RPS6KA1: variants seen among roughly 807,000 people sequenced by gnomAD.
The protein encoded by RPS6KA1 is ribosomal protein S6 kinase A1.
RPS6KA1 carries 48 observed loss-of-function variants against 91.3 expected under a neutral mutation model. The ratio of observed to expected loss-of-function variants is 0.53; its 90% CI spans 0.42 to 0.67. The LOEUF is 0.67. Among genes scored for constraint, RPS6KA1 ranks in the 30% least tolerant of loss-of-function variants. The pLI, the probability that RPS6KA1 is intolerant of heterozygous loss-of-function variation, is 0.00. For synonymous variants in RPS6KA1, 359 were observed against 384.7 expected, an observed-to-expected ratio of 0.93 and a Z score of 0.78; for missense variants, 719 against 960.5, an observed-to-expected ratio of 0.75 and a Z score of 3.32.
Position 26,571,204 on chromosome 1 carries a change from T to G in RPS6KA1, c.1591-245T>G. On this transcript the variant is annotated intron_variant, in intron 17 of 21. Coordinates refer to ENST00000374168, the MANE Select transcript of RPS6KA1 (RefSeq NM_002953.4). The surrounding 1 kb of genome is among the most constrained non-coding windows in gnomAD (Gnocchi z 5.1). ...AAGGTAAGATTATGTGATGAGTAGG[T>G]TTTAGGGGAGAATTGAGAGTTCAGT... 1 of 502,414 alleles carries G rather than the reference T, an allele frequency of 2.0e-6. No individual in the cohort carries two copies. Among genetic ancestry groups the G allele is most frequent in the Non-Finnish European group, 3.6e-6 (1 of 280,834 alleles). The allele number at this position is 502,414 out of a possible 1,614,324, so 31.1% of individuals were successfully genotyped here.
chr1:26,556,598 G>A, intron 11 of RPS6KA1, 56 bp from the exon 12 acceptor site: 3 of 1,584,026 alleles, frequency 1.9e-6, no homozygotes, highest in Non-Finnish European at 2.6e-6. Context: ...GGTGGGCAGG[G>A]TAATATCTGG....
intron 20 of RPS6KA1, among the ~76,000 whole-genome samples, 200 bp from the exon 21 acceptor site, chr1:26,573,024 A>C (rs988435737): frequency 1.3e-5 from 2 of 152,192 alleles, no homozygotes; most frequent in African/African-American, 4.8e-5. Flanking sequence ...TCCAGGACGA[A>C]GGGCCTAGAG....
At chr1:26,573,511 A>T in intron 21 of RPS6KA1, 150 bp downstream of exon 21, 3 of 913,926 alleles carry the variant, frequency 3.3e-6, no homozygotes, top group Non-Finnish European at 5.0e-6. Context: ...GCCGTCAGGG[A>T]GCCTAACATG....
At position 26,547,567 on chromosome 1, in the gene RPS6KA1, G is replaced by A. The variant is rs184443942; in HGVS notation, c.307+297G>A. On this transcript the variant is annotated intron_variant, in intron 4 of 21. Coordinates refer to ENST00000374168, the MANE Select transcript of RPS6KA1 (RefSeq NM_002953.4). The surrounding 1 kb of genome is among the most constrained non-coding windows in gnomAD (Gnocchi z 4.1). ...CTGGTCAAGCAGAGGCATTCTGACT[G>A]TTGATGCTAGAAGAGTCTGGGGGAG... 6 of 362,898 alleles carry A rather than the reference G, an allele frequency of 1.7e-5. No individual in the cohort carries two copies. Among genetic ancestry groups the A allele is most frequent in the Non-Finnish European group, 2.7e-5 (5 of 187,340 alleles). The allele number at this position is 362,898 out of a possible 1,614,324, so 22.5% of individuals were successfully genotyped here.
At chr1:26,541,919 C>A (rs980623552) in intron 2 of RPS6KA1, among the ~76,000 whole-genome samples, 14 of 152,188 alleles carry the variant, frequency 9.2e-5, no homozygotes, top group African/African-American at 3.1e-4. Context: ...TCCAGCTGCC[C>A]TGTAGGAGGA....
At chr1:26,542,112 C>T (rs1401289065) in intron 2 of RPS6KA1, among the ~76,000 whole-genome samples, 3 of 152,290 alleles carry the variant, frequency 2.0e-5, no homozygotes, top group African/African-American at 2.4e-5. Flanking sequence ...CACAGAGGCT[C>T]GTGTGGACTA....
At position 26,557,091 on chromosome 1, in the gene RPS6KA1, A is replaced by G. The variant is rs372835609; in HGVS notation, c.1075A>G (p.Thr359Ala). ...FYFDTEFTSR[T>A]PKDSPGIPPS... ...CTTTGACACCGAGTTCACGTCCCGCACACCCAAGGGTGCGTCCCTTATCTG... is the reference window on the plus strand; with the variant it reads ...CTTTGACACCGAGTTCACGTCCCGCGCACCCAAGGGTGCGTCCCTTATCTG... The change falls in exon 13 of 22, where the codon ACA (threonine) becomes GCA (alanine). Residue 359 changes from threonine to alanine, a missense_variant. Thr to Ala is a moderately conservative substitution (Grantham distance 58). Around this residue, in one of 5 missense-constraint regions of RPS6KA1, gnomAD observed 228 missense variants for 247.6 expected, o/e 0.92. Coordinates refer to ENST00000374168, the MANE Select transcript of RPS6KA1 (RefSeq NM_002953.4). The G allele has an allele frequency of 6.2e-6, 10 of 1,613,362 alleles. No individual in the cohort carries two copies. The African/African-American group carries it at 6.7e-5, about 11-fold the overall frequency.
In RPS6KA1 at chr1:26,554,151, T is replaced by G. The variant is rs2076077664; in HGVS notation, c.576-63T>G. ...GCTGAACCCAACTCCCACAGCCCTG[T>G]GGTAACACCATCACCCACACGGCCA... On this transcript the variant is annotated intron_variant, in intron 7 of 21. Transcript: ENST00000374168. This position sits in a 1 kb window ranked among gnomAD's most constrained non-coding sequence, Gnocchi z 4.6. 1 of 1,523,728 alleles carries G rather than the reference T, an allele frequency of 6.6e-7. No individual in the cohort carries two copies. Among genetic ancestry groups the G allele is most frequent in the African/African-American group, 1.4e-5 (1 of 72,674 alleles). The allele number at this position is 1,523,728 out of a possible 1,614,324, so 94.4% of individuals were successfully genotyped here. A position where few individuals can be genotyped will look rare whatever the true frequency, so the allele number is the denominator to read the frequency against.
chr1:26,558,697 G>A lies in RPS6KA1; in HGVS notation c.1085-110G>A, dbSNP rs749854326. On this transcript the variant is annotated intron_variant, in intron 13 of 21. Transcript: ENST00000374168. The surrounding 1 kb of genome is among the most constrained non-coding windows in gnomAD (Gnocchi z 4.0). ...CAGGCCCTCTGCAGGCTCCCGCCAC[G>A]GCCAGCCCCTGAGGCAGGTCTGGAG... 182 of 1,334,908 alleles carry A rather than the reference G, an allele frequency of 1.4e-4. 4 individuals carry two copies. Among genetic ancestry groups the A allele is most frequent in the South Asian group, 9.3e-4 (66 of 71,348 alleles). The allele number at this position is 1,334,908 out of a possible 1,614,324, so 82.7% of individuals were successfully genotyped here.
At position 26,574,579 on chromosome 1, in the gene RPS6KA1, T is replaced by C; in HGVS notation, c.*378T>C. On this transcript the variant is annotated 3_prime_UTR_variant, in exon 22 of 22. Coordinates refer to ENST00000374168, the MANE Select transcript of RPS6KA1 (RefSeq NM_002953.4). This position sits in a 1 kb window ranked among gnomAD's most constrained non-coding sequence, Gnocchi z 4.3. The stretch of plus-strand genomic sequence containing the variant: ...GAGACTCTTTAGAGCAGCTTTGGGA[T>C]CCCACCCTGGGGACCCCCACGATTG... The C allele has an allele frequency of 4.9e-6, 2 of 409,496 alleles. No individual in the cohort carries two copies. The highest frequency in any genetic ancestry group is 4.9e-6 in the Non-Finnish European group (1 of 205,998). The allele number at this position is 409,496 out of a possible 1,614,324, so 25.4% of individuals were successfully genotyped here. A position where few individuals can be genotyped will look rare whatever the true frequency, so the allele number is the denominator to read the frequency against.
chr1:26,551,373 T>C lies in RPS6KA1; in HGVS notation c.308-24T>C. The C allele has an allele frequency of 6.2e-7, 1 of 1,610,088 alleles. No individual in the cohort carries two copies. Among genetic ancestry groups the C allele is most frequent in the Non-Finnish European group, 8.5e-7 (1 of 1,176,458 alleles). ...CTGTGTTGAGTGTCTAGGCTACTGGTGACTTCCTTTCTCGTCTGGCCAGTA... is the reference window on the plus strand; with the variant it reads ...CTGTGTTGAGTGTCTAGGCTACTGGCGACTTCCTTTCTCGTCTGGCCAGTA... On this transcript the variant is annotated intron_variant, in intron 4 of 21. Transcript: ENST00000374168. The surrounding 1 kb of genome is among the most constrained non-coding windows in gnomAD (Gnocchi z 4.5).
At chr1:26,563,506 C>T (rs996096249) in intron 17 of RPS6KA1, among the ~76,000 whole-genome samples, 2 of 152,136 alleles carry the variant, frequency 1.3e-5, no homozygotes, top group Admixed American at 1.3e-4. Flanking sequence ...GGATTACAGG[C>T]GTAAGCCACC....
At position 26,571,518 on chromosome 1, in the gene RPS6KA1, C is replaced by T. The variant is rs756570951; in HGVS notation, c.1660C>T (p.Arg554Cys). 28 of 1,614,184 alleles carry T rather than the reference C, an allele frequency of 1.7e-5. No homozygotes were observed. Among genetic ancestry groups the T allele is most frequent in the East Asian group, 2.2e-5 (1 of 44,882 alleles). The change falls in exon 18 of 22, where the codon CGC becomes TGC. Residue 554 changes from arginine to cysteine, a missense_variant. Physicochemically the swap from Arg to Cys is radical, Grantham distance 180. This residue lies in a region of RPS6KA1 where 249 missense variants were observed against 323.1 expected (regional missense o/e 0.77). Transcript: ENST00000374168. The surrounding 1 kb of genome is among the most constrained non-coding windows in gnomAD (Gnocchi z 5.1). ...VDESGNPECL[R>C]ICDFGFAKQL... ...CGAGTCCGGGAATCCCGAGTGCCTG[C>T]GCATCTGTGACTTTGGTTTTGCCAA...
rs780086596 is a variant in RPS6KA1 at position 26,551,604 on chromosome 1, G to C, written c.389-40G>C. 2 of 1,605,834 alleles carry C rather than the reference G, an allele frequency of 1.2e-6. No individual in the cohort carries two copies. Among genetic ancestry groups the C allele is most frequent in the Non-Finnish European group, 1.7e-6 (2 of 1,172,446 alleles). On this transcript the variant is annotated intron_variant, in intron 5 of 21. Coordinates refer to ENST00000374168, the MANE Select transcript of RPS6KA1 (RefSeq NM_002953.4). The surrounding 1 kb of genome is among the most constrained non-coding windows in gnomAD (Gnocchi z 4.5). ...CAGGGCCGGAGAAGCAGATCATAAG[G>C]CCGCGCCGACTCTACCATTGCCTTT...
At chr1:26,534,606 T>C (rs1460196285) in intron 1 of RPS6KA1, among the ~76,000 whole-genome samples, 1 of 152,162 alleles carries the variant, frequency 6.6e-6, no homozygotes, top group East Asian at 1.9e-4. Context: ...TAAGAATGGC[T>C]ATTGTTTGTA....
chr1:26,572,171 T>G lies in RPS6KA1; in HGVS notation c.1830-5T>G. Reference sequence around the variant, plus strand: ...TGTACCCAGACCGTGCGGGCTTTTCTGCAGATATACTCCATTTGCCAACGG... The same window carrying G: ...TGTACCCAGACCGTGCGGGCTTTTCGGCAGATATACTCCATTTGCCAACGG... On this transcript the variant is annotated splice_region_variant and splice_polypyrimidine_tract_variant and intron_variant, in intron 19 of 21. Transcript: ENST00000374168. 6.2e-7 allele frequency: 1 copy of G among 1,612,500 alleles called. No homozygotes were observed. Among genetic ancestry groups the G allele is most frequent in the Non-Finnish European group, 8.5e-7 (1 of 1,178,562 alleles).
Position 26,558,172 on chromosome 1 carries a change from G to A in RPS6KA1, c.1085-635G>A, listed in dbSNP as rs1421623343. ...GCAACGTGACAAGTGCAGCTTCGTA[G>A]GAGTCAGGGGCCGGAGGAGCAGCAT... On this transcript the variant is annotated intron_variant, in intron 13 of 21. Coordinates refer to ENST00000374168, the MANE Select transcript of RPS6KA1 (RefSeq NM_002953.4). The surrounding 1 kb of genome is among the most constrained non-coding windows in gnomAD (Gnocchi z 4.0). 6.6e-6 allele frequency among the ~76,000 whole-genome samples: 1 copy of A among 152,170 alleles called. No homozygotes were observed. Among genetic ancestry groups the A allele is most frequent in the Non-Finnish European group, 1.5e-5 (1 of 68,040 alleles).
intron 2 of RPS6KA1, among the ~76,000 whole-genome samples, chr1:26,545,086 T>A (rs1214237785): frequency 1.3e-5 from 2 of 152,126 alleles, no homozygotes; most frequent in Admixed American, 6.5e-5. Flanking sequence ...CTCTGCCTGT[T>A]GGGTGCGTGT....
chr1:26,556,255 G>A (rs984093722), intron 11 of RPS6KA1: 6 of 238,354 alleles, frequency 2.5e-5, no homozygotes, highest in Admixed American at 1.5e-4. Flanking sequence ...CCCTGGGGTC[G>A]AATGGAGTAA....
Sources: allele counts gnomAD v4.1 joint callset (sites outside exome capture counted in the v4.1 genomes callset), GRCh38; gene constraint gnomAD v4.1.1; regional missense constraint gnomAD v4.1.1; non-coding constraint Gnocchi (gnomAD v3.1); transcripts MANE v1.5; gene names NCBI Gene and HGNC (gene_info 2026-07-23, HGNC 2026-07-21).